The following SLC5A4 variants were observed in gnomAD, a reference collection of about 807,000 sequenced individuals.
SLC5A4 encodes the protein probable glucose sensor protein SLC5A4.
A neutral mutation model predicts 70.3 loss-of-function variants in SLC5A4; 55 were observed. The observed-to-expected ratio is 0.78, with a 90% CI of 0.63 to 0.98. The LOEUF (loss-of-function observed/expected upper bound fraction) is 0.98, where lower values mean the gene tolerates loss of function less well. SLC5A4 is among the 50% of genes least tolerant of loss of function. SLC5A4 has a pLI of 0.00. For missense variants in SLC5A4, 735 were observed against 839.2 expected, an observed-to-expected ratio of 0.88 and a Z score of 1.53; for synonymous variants, 268 against 305.7, an observed-to-expected ratio of 0.88 and a Z score of 1.29.
Position 32,237,313 on chromosome 22 carries a change from A to C in SLC5A4, c.595T>G (p.Ser199Ala). ...AVYTTTGGLA[S>A]VIYTDTLQTI... ...TGGAGGGTGTCTGTGTAAATCACCG[A>C]GGCCAAGCCCCCTAGTGAGAGAAAG... Residue 199 changes from serine (S) to alanine (A), a missense_variant, in exon 7 of 15, where the codon TCG (serine) becomes GCG (alanine). By Grantham distance (99) the Ser-to-Ala change is moderately conservative (BLOSUM62 1). Transcript: ENST00000266086. 1.2e-6 allele frequency: 2 copies of C among 1,602,454 alleles called. No homozygotes were observed. Among genetic ancestry groups the C allele is most frequent in the Non-Finnish European group, 1.7e-6 (2 of 1,174,552 alleles).
At chr22:32,332,557 G>A in the SLC5A4 span, among the ~76,000 whole-genome samples, 1 of 152,206 alleles carries the variant, frequency 6.6e-6, no homozygotes, top group African/African-American at 2.4e-5. Context: ...CGGGCCTTCT[G>A]GGAGTCTCTG....
chr22:32,233,170 G>T, intron 8 of SLC5A4, 136 bp from the exon 9 acceptor site: 1 of 881,558 alleles, frequency 1.1e-6, no homozygotes. Context: ...CTGCACTCCT[G>T]TGTTCATTGC....
At chr22:32,270,193 T>A in the SLC5A4 span, 1 of 665,520 alleles carries the variant, frequency 1.5e-6, no homozygotes, top group Non-Finnish European at 2.8e-6. Flanking sequence ...GCCACCTACC[T>A]TTGAGGTGTG....
At chr22:32,320,982 T>G in the SLC5A4 span, among the ~76,000 whole-genome samples, 2 of 152,222 alleles carry the variant, frequency 1.3e-5, no homozygotes, top group South Asian at 4.1e-4. Context: ...TAGCATGAGC[T>G]GCTTCTTTTT....
intron 2 of SLC5A4, among the ~76,000 whole-genome samples, chr22:32,253,640 C>T (rs117725727): frequency 0.01 from 1,568 of 152,200 alleles, 8 homozygotes; most frequent in South Asian, 0.027. Context: ...CAGACTGAAC[C>T]GGCTGTCATA....
chr22:32,304,920 T>G, the SLC5A4 span, among the ~76,000 whole-genome samples: 2 of 152,152 alleles, frequency 1.3e-5, no homozygotes, highest in Non-Finnish European at 1.5e-5. Context: ...AAGTCTGTGT[T>G]CAGATTCGTA....
At chr22:32,269,681 G>C in the SLC5A4 span, 1 of 598,304 alleles carries the variant, frequency 1.7e-6, no homozygotes, top group South Asian at 1.5e-5. This position sits in a 1 kb window ranked among gnomAD's most constrained non-coding sequence, Gnocchi z 4.1. Flanking sequence ...ACCTGAACCA[G>C]AGCATTCCCC....
chr22:32,344,249 T>C, the SLC5A4 span, among the ~76,000 whole-genome samples: 1 of 152,200 alleles, frequency 6.6e-6, no homozygotes, highest in Non-Finnish European at 1.5e-5. Flanking sequence ...CACATTTGCC[T>C]CAGTTCACTC....
chr22:32,247,566 C>T (rs373159838), intron 4 of SLC5A4, 51 bp from the exon 5 acceptor site: 61 of 1,169,068 alleles, frequency 5.2e-5, no homozygotes, highest in Non-Finnish European at 7.5e-5. Context: ...GGGCCCTGTG[C>T]GTTCAGATTA....
chr22:32,219,630 CAAAAAAAAA>C, intron 14 of SLC5A4, among the ~76,000 whole-genome samples: 1 of 28,880 alleles, frequency 3.5e-5, no homozygotes, highest in Admixed American at 4.4e-4. Flanking sequence ...TCCAACTTAG[CAAAAAAAAA>C]AAAAAAAAAA....
chr22:32,244,292 T>G (rs1926696842), intron 5 of SLC5A4, among the ~76,000 whole-genome samples: 3 of 152,202 alleles, frequency 2.0e-5, no homozygotes, highest in Admixed American at 2.0e-4. Context: ...GTGCCACGTG[T>G]GATATCTGCC....
At chr22:32,301,378 C>T in the SLC5A4 span, among the ~76,000 whole-genome samples, 1 of 152,148 alleles carries the variant, frequency 6.6e-6, no homozygotes, top group African/African-American at 2.4e-5. Flanking sequence ...AGTGATACTA[C>T]ACTGTGGTTT....
the SLC5A4 span, among the ~76,000 whole-genome samples, chr22:32,337,414 G>C: frequency 6.6e-6 from 1 of 152,126 alleles, no homozygotes; most frequent in Non-Finnish European, 1.5e-5. Context: ...CAGGTCTGTA[G>C]TCCCAGCTAC....
rs368277298 is a variant in SLC5A4 at position 32,255,179 on chromosome 22, C to G, written c.135+16G>C. 4 of 1,613,290 alleles carry G rather than the reference C, an allele frequency of 2.5e-6. No individual in the cohort carries two copies. The African/African-American group carries it at 5.3e-5, about 22-fold the overall frequency. ...AACCTTGTGCCCACCCTAAAAGCCACTGGGATTCCACCTACCCACAGCCCA... is the reference window on the plus strand; with the variant it reads ...AACCTTGTGCCCACCCTAAAAGCCAGTGGGATTCCACCTACCCACAGCCCA... On this transcript the variant is annotated intron_variant, in intron 1 of 14. Coordinates refer to ENST00000266086, the MANE Select transcript of SLC5A4 (RefSeq NM_014227.3).
At chr22:32,322,660 G>A in the SLC5A4 span, among the ~76,000 whole-genome samples, 2 of 151,990 alleles carry the variant, frequency 1.3e-5, no homozygotes, top group Non-Finnish European at 2.9e-5. Context: ...AGCAGGATGG[G>A]GGCTGCTTCC....
At chr22:32,289,463 G>A in the SLC5A4 span, among the ~76,000 whole-genome samples, 1 of 152,158 alleles carries the variant, frequency 6.6e-6, no homozygotes, top group Non-Finnish European at 1.5e-5. Flanking sequence ...GGTTTTATAA[G>A]GGGCTGCCGC....
Position 32,235,068 on chromosome 22 carries a change from C to G in SLC5A4, c.690G>C (p.Glu230Asp). The G allele has an allele frequency of 6.2e-7, 1 of 1,613,660 alleles. No homozygotes were observed. The change falls in exon 8 of 15, where the codon GAG becomes GAC. Residue 230 changes from glutamate to aspartate, a missense_variant. Coordinates refer to ENST00000266086, the MANE Select transcript of SLC5A4 (RefSeq NM_014227.3). Reference sequence around the variant, plus strand: ...CATTCACGTACTTCTCGGTAAAGCTCTCATAACCTCCAACTTCGTTAAATG... The same window carrying G: ...CATTCACGTACTTCTCGGTAAAGCTGTCATAACCTCCAACTTCGTTAAATG... ...GFAFNEVGGYESFTEKYVNAT... is the reference protein window; with the variant it reads ...GFAFNEVGGYDSFTEKYVNAT...
chr22:32,224,548 A>G, intron 12 of SLC5A4, 66 bp from the exon 13 acceptor site: 2 of 1,270,356 alleles, frequency 1.6e-6, no homozygotes, highest in South Asian at 1.2e-5. Flanking sequence ...CAAGTAAGTC[A>G]TCATTATAAT....
At chr22:32,228,617 AT>A (rs1377924149) in intron 11 of SLC5A4, among the ~76,000 whole-genome samples, 2 of 151,434 alleles carry the variant, frequency 1.3e-5, no homozygotes, top group Non-Finnish European at 2.9e-5. Context: ...TCTGGTATCG[AT>A]TTTTTTCCTC....
Sources: gnomAD v4.1 joint callset for allele counts (sites outside exome capture counted in the v4.1 genomes callset) on GRCh38, gnomAD v4.1.1 for gene constraint, Gnocchi (gnomAD v3.1) non-coding constraint, MANE v1.5 for transcripts, NCBI Gene and HGNC (gene_info 2026-07-23, HGNC 2026-07-21) for gene names.